VPS51: variants seen among roughly 807,000 people sequenced by gnomAD.
VPS51 encodes vacuolar protein sorting-associated protein 51 homolog.
In VPS51, 55 loss-of-function variants were observed where a neutral mutation model predicts 65.1. The ratio of observed to expected loss-of-function variants is 0.84; its 90% CI spans 0.68 to 1.06. The LOEUF is 1.06. VPS51 is among the 50% of genes least tolerant of loss of function. VPS51 has a pLI of 0.00. For missense variants in VPS51, 943 were observed against 1,101.6 expected, an observed-to-expected ratio of 0.86 and a Z score of 2.04; for synonymous variants, 473 against 489.5, an observed-to-expected ratio of 0.97 and a Z score of 0.44.
At chr11:65,104,598 AATT>A (rs1947829977) in intron 2 of VPS51, among the ~76,000 whole-genome samples, 2 of 152,316 alleles carry the variant, frequency 1.3e-5, no homozygotes, top group African/African-American at 2.4e-5. Flanking sequence ...TGTGTTTATC[AATT>A]ATTATTTTAA....
intron 1 of VPS51, 88 bp downstream of exon 1, chr11:65,096,566 A>G: frequency 8.4e-7 from 1 of 1,196,786 alleles, no homozygotes; most frequent in Non-Finnish European, 1.1e-6. Context: ...CATGCCTCCG[A>G]CTTTTTGTGA....
intron 2 of VPS51, among the ~76,000 whole-genome samples, chr11:65,104,725 T>C (rs1029327027): frequency 6.6e-6 from 1 of 152,228 alleles, no homozygotes; most frequent in Non-Finnish European, 1.5e-5. Context: ...ATTTCTGTTA[T>C]GTTTTCATAA....
intron 2 of VPS51, among the ~76,000 whole-genome samples, chr11:65,102,677 C>T (rs1947816918): frequency 6.6e-6 from 1 of 152,176 alleles, no homozygotes; most frequent in Admixed American, 6.5e-5. Context: ...ACCAGTAATT[C>T]ACTGGGTGAA....
In VPS51 at chr11:65,107,746, G is replaced by A; in HGVS notation, c.505+19G>A. ...CTGGCAGGTGGGCGCTGCCGGGCAG[G>A]GCCTGCAGTGGGCCTTTCCTGGGGC... On this transcript the variant is annotated intron_variant, in intron 3 of 9. Coordinates refer to ENST00000279281, the MANE Select transcript of VPS51 (RefSeq NM_013265.4). The surrounding 1 kb of genome is among the most constrained non-coding windows in gnomAD (Gnocchi z 4.0). The A allele has an allele frequency of 6.2e-7, 1 of 1,605,538 alleles. No homozygotes were observed. Among genetic ancestry groups the A allele is most frequent in the African/African-American group, 1.3e-5 (1 of 74,952 alleles).
chr11:65,109,630 A>C, intron 6 of VPS51, 75 bp from the exon 7 acceptor site: 1 of 1,514,938 alleles, frequency 6.6e-7, no homozygotes, highest in Non-Finnish European at 8.9e-7. Context: ...ATCTGTGCCC[A>C]GCTCCTGGTT....
Position 65,107,101 on chromosome 11 carries a change from C to A in VPS51, c.359-480C>A. ...AAGGGAAAGGGCCCTTCAGAGAAGA[C>A]AGCCCATGTTCCGGAAAGCATGTGA... On this transcript the variant is annotated intron_variant, in intron 2 of 9. Transcript: ENST00000279281. The surrounding 1 kb of genome is among the most constrained non-coding windows in gnomAD (Gnocchi z 4.0). 2 of 454,530 alleles carry A rather than the reference C, an allele frequency of 4.4e-6. No homozygotes were observed. Among genetic ancestry groups the A allele is most frequent in the Non-Finnish European group, 8.8e-6 (2 of 226,122 alleles). The allele number at this position is 454,530 out of a possible 1,614,324, so 28.2% of individuals were successfully genotyped here. A position where few individuals can be genotyped will look rare whatever the true frequency, so the allele number is the denominator to read the frequency against.
intron 2 of VPS51, among the ~76,000 whole-genome samples, chr11:65,100,529 T>G (rs1464597194): frequency 1.5e-5 from 2 of 135,978 alleles, no homozygotes; most frequent in East Asian, 2.1e-4. Flanking sequence ...AGCAGTGTTT[T>G]TTTTTTTTTT....
intron 2 of VPS51, among the ~76,000 whole-genome samples, chr11:65,098,474 T>G (rs1947785869): frequency 6.6e-6 from 1 of 152,212 alleles, no homozygotes; most frequent in South Asian, 2.1e-4. Flanking sequence ...TTTGAGGAGA[T>G]GTACTACTCA....
chr11:65,103,318 A>G (rs2137184623), intron 2 of VPS51, among the ~76,000 whole-genome samples: 1 of 152,350 alleles, frequency 6.6e-6, no homozygotes, highest in East Asian at 1.9e-4. Context: ...CCCAAAAGTA[A>G]TATAGATGTT....
In VPS51 at chr11:65,110,512, AAGGCC is replaced by A; in HGVS notation, c.1910_1914del (p.Lys637ThrfsTer46). On this transcript the variant is annotated frameshift_variant, in exon 8 of 10. Transcript: ENST00000279281. LOFTEE classifies it high-confidence loss of function. ...GCTCCTGTACGAAGAGGGTGTTCGC[AAGGCC>A]CAGAGCAGCGACTCCAGCAAGAGGA... The A allele has an allele frequency of 6.2e-7, 1 of 1,613,930 alleles. No individual in the cohort carries two copies. The highest frequency in any genetic ancestry group is 8.5e-7 in the Non-Finnish European group (1 of 1,180,002).
chr11:65,108,065 G>C, intron 4 of VPS51, 43 bp downstream of exon 4: 1 of 1,489,266 alleles, frequency 6.7e-7, no homozygotes. Context: ...CGCCAGCCCC[G>C]AGCCCCATCT....
At position 65,108,233 on chromosome 11, in the gene VPS51, C is replaced by A. The variant is rs767180580; in HGVS notation, c.762C>A (p.Cys254Ter). 4.4e-6 allele frequency: 7 copies of A among 1,599,728 alleles called. No homozygotes were observed. ...GGSGAPEQAECVELLLALGEP... is the reference protein window; with the variant it reads ...GGSGAPEQAE Reference sequence around the variant, plus strand: ...CAGGCGCCCCGGAGCAGGCAGAGTGCGTGGAGCTGCTGCTGGCCCTGGGCG... The same window carrying A: ...CAGGCGCCCCGGAGCAGGCAGAGTGAGTGGAGCTGCTGCTGGCCCTGGGCG... Residue 254 changes from cysteine to a stop codon, truncating the protein, a stop_gained, in exon 5 of 10, where the codon TGC becomes TGA. Coordinates refer to ENST00000279281, the MANE Select transcript of VPS51 (RefSeq NM_013265.4). LOFTEE classifies it high-confidence loss of function.
chr11:65,108,364 C>A lies in VPS51; in HGVS notation c.893C>A (p.Pro298His), dbSNP rs1191069778. The change falls in exon 5 of 10, where the codon CCC becomes CAC. Residue 298 changes from proline to histidine, a missense_variant. This residue lies in a region of VPS51 where 855 missense variants were observed against 953.7 expected (regional missense o/e 0.90). Coordinates refer to ENST00000279281, the MANE Select transcript of VPS51 (RefSeq NM_013265.4). ...GAGCTGGGGCCCTCACCTCCGGCTCCCGACGTGTTAGAGTTCACCGACCAT... is the reference window on the plus strand; with the variant it reads ...GAGCTGGGGCCCTCACCTCCGGCTCACGACGTGTTAGAGTTCACCGACCAT... ...EAELGPSPPA[P>H]DVLEFTDHGG... 1 of 1,612,164 alleles carries A rather than the reference C, an allele frequency of 6.2e-7. No homozygotes were observed. The highest frequency in any genetic ancestry group is 8.5e-7 in the Non-Finnish European group (1 of 1,179,676).
At chr11:65,109,038 G>C (rs914286624) in intron 5 of VPS51, 124 bp downstream of exon 5, 4 of 1,237,974 alleles carry the variant, frequency 3.2e-6, no homozygotes, top group Non-Finnish European at 4.7e-6. Context: ...TCTTATGCAC[G>C]GTCTGGGGGG....
At position 65,096,487 on chromosome 11, in the gene VPS51, G is replaced by T. The variant is rs776409061; in HGVS notation, c.228+9G>T. 37 of 989,410 alleles carry T rather than the reference G, an allele frequency of 3.7e-5. No individual in the cohort carries two copies. In the South Asian group the frequency reaches 5.3e-4, roughly 14 times the overall value. 61.3% of individuals were successfully genotyped at this position (989,410 alleles called of 1,614,324 possible). On this transcript the variant is annotated intron_variant, in intron 1 of 9. Coordinates refer to ENST00000279281, the MANE Select transcript of VPS51 (RefSeq NM_013265.4). ...AAGTTTACCTAGACAAGGTGTGTGC[G>T]CACGGGGAGTGGGGGGGTGCGGGGA...
chr11:65,108,366 G>C lies in VPS51; in HGVS notation c.895G>C (p.Asp299His). Reference protein sequence around the residue: ...AELGPSPPAPDVLEFTDHGGS... With the variant: ...AELGPSPPAPHVLEFTDHGGS... ...GCTGGGGCCCTCACCTCCGGCTCCC[G>C]ACGTGTTAGAGTTCACCGACCATGG... Residue 299 changes from aspartate to histidine, a missense_variant, in exon 5 of 10, where the codon GAC becomes CAC. By Grantham distance (81) the Asp-to-His change is moderately conservative. This residue lies in a region of VPS51 where 855 missense variants were observed against 953.7 expected (regional missense o/e 0.90). Coordinates refer to ENST00000279281, the MANE Select transcript of VPS51 (RefSeq NM_013265.4). The C allele has an allele frequency of 6.2e-7, 1 of 1,612,166 alleles. No individual in the cohort carries two copies. Among genetic ancestry groups the C allele is most frequent in the Non-Finnish European group, 8.5e-7 (1 of 1,179,680 alleles).
chr11:65,099,451 T>G (rs1217509983), intron 2 of VPS51, among the ~76,000 whole-genome samples: 2 of 151,754 alleles, frequency 1.3e-5, no homozygotes, highest in Non-Finnish European at 2.9e-5. Flanking sequence ...AACAAATGAG[T>G]GATGTGCTCA....
chr11:65,106,097 C>G (rs1947839906), intron 2 of VPS51, among the ~76,000 whole-genome samples: 1 of 152,182 alleles, frequency 6.6e-6, no homozygotes, highest in South Asian at 2.1e-4. Flanking sequence ...CTTCGCCTTT[C>G]TTTATGAACA....
Position 65,111,820 on chromosome 11 carries a change from G to T in VPS51, c.*233G>T. ...CCGATTGGCTGGTGTGCTGGGCCCA[G>T]CATGGGCAGGGGGCGGTTCCACTTA... On this transcript the variant is annotated 3_prime_UTR_variant, in exon 10 of 10. Transcript: ENST00000279281. 2.2e-6 allele frequency: 2 copies of T among 927,212 alleles called. No individual in the cohort carries two copies. The highest frequency in any genetic ancestry group is 5.3e-5 in the East Asian group (2 of 37,822). 57.4% of individuals were successfully genotyped at this position (927,212 alleles called of 1,614,324 possible). A position where few individuals can be genotyped will look rare whatever the true frequency, so the allele number is the denominator to read the frequency against.
Sources: gnomAD v4.1 joint callset for allele counts (sites outside exome capture counted in the v4.1 genomes callset) on GRCh38, gnomAD v4.1.1 for gene constraint, gnomAD v4.1.1 regional missense constraint, Gnocchi (gnomAD v3.1) non-coding constraint, MANE v1.5 for transcripts, NCBI Gene and HGNC (gene_info 2026-07-23, HGNC 2026-07-21) for gene names.